USP42: variants seen among roughly 807,000 people sequenced by gnomAD.
The protein encoded by USP42 is ubiquitin carboxyl-terminal hydrolase 42.
A neutral mutation model predicts 113.0 loss-of-function variants in USP42; 23 were observed. The ratio of observed to expected loss-of-function variants is 0.20; its 90% CI spans 0.15 to 0.29. USP42 has a LOEUF of 0.29. USP42 is among the 10% of genes least tolerant of loss of function. The pLI, the probability that USP42 is intolerant of heterozygous loss-of-function variation, is 1.00. For synonymous variants in USP42, 933 were observed against 699.0 expected (o/e 1.33, Z -5.28); for missense variants, 2,174 against 1,779.8 (o/e 1.22, Z -3.99).
chr7:6,101,251 G>C (rs571804221), upstream of USP42, among the ~76,000 whole-genome samples: 8 of 151,168 alleles, frequency 5.3e-5, 1 homozygote, highest in Middle Eastern at 0.024. Flanking sequence ...AGGAGGACCT[G>C]GGTGGGGCAT....
At chr7:6,116,905 G>C (rs1281839164) in intron 3 of USP42, 1 of 515,186 alleles carries the variant, frequency 1.9e-6, no homozygotes. Context: ...AGAGGACCAA[G>C]ACAAAATTCA....
Position 6,150,120 on chromosome 7 carries a change from G to A in USP42, c.1924G>A (p.Glu642Lys), listed in dbSNP as rs751701988. The change falls in exon 13 of 18, where the codon GAA becomes AAA. Residue 642 changes from glutamate (E) to lysine (K), a missense_variant. Physicochemically the swap from Glu to Lys is moderately conservative, Grantham distance 56 (BLOSUM62 1). Transcript: ENST00000306177. ...VSSHSPGQDAEDEEATPHELQ... is the reference protein window; with the variant it reads ...VSSHSPGQDAKDEEATPHELQ... ...CTCCCACTCTCCCGGCCAAGATGCCGAAGATGAGGAGGCCACTCCGCACGA... is the reference window on the plus strand; with the variant it reads ...CTCCCACTCTCCCGGCCAAGATGCCAAAGATGAGGAGGCCACTCCGCACGA... 4.3e-6 allele frequency: 7 copies of A among 1,612,864 alleles called. No individual in the cohort carries two copies. Among genetic ancestry groups the A allele is most frequent in the East Asian group, 2.2e-5 (1 of 44,852 alleles).
At chr7:6,150,353 G>A (rs1781973753) in intron 13 of USP42, 51 bp downstream of exon 13, 1 of 1,608,980 alleles carries the variant, frequency 6.2e-7, no homozygotes, top group African/African-American at 1.3e-5. Context: ...TCCCTTGGCT[G>A]GATTTCAGGA....
chr7:6,154,220 G>A lies in USP42; in HGVS notation c.2666G>A (p.Ser889Asn), dbSNP rs1489429553. The A allele has an allele frequency of 5.0e-6, 8 of 1,606,950 alleles. No individual in the cohort carries two copies. The Middle Eastern group carries it at 5.0e-4, about 100-fold the overall frequency. ...HARDAQDPSQ[S>N]LGAPEAAERP... ...CGGGACGCTCAGGACCCATCCCAGA[G>A]CTTGGGCGCACCCGAGGCCGCAGAG... The change falls in exon 15 of 18, where the codon AGC becomes AAC. Residue 889 changes from serine to asparagine, a missense_variant. By Grantham distance (46) the Ser-to-Asn change is conservative. Transcript: ENST00000306177.
chr7:6,157,082 A>G lies in USP42; in HGVS notation c.3943+27A>G. The G allele has an allele frequency of 6.5e-7, 1 of 1,543,480 alleles. No individual in the cohort carries two copies. The highest frequency in any genetic ancestry group is 8.7e-7 in the Non-Finnish European group (1 of 1,149,752). ...TAAGAGGAGATACTTGGAATTAGGA[A>G]GATAGAAACTATTTCTTAATACATT... On this transcript the variant is annotated intron_variant, in intron 16 of 17. Transcript: ENST00000306177. The surrounding 1 kb of genome is among the most constrained non-coding windows in gnomAD (Gnocchi z 4.1).
At chr7:6,094,627 C>T in the USP42 span, among the ~76,000 whole-genome samples, 1 of 151,156 alleles carries the variant, frequency 6.6e-6, no homozygotes, top group Non-Finnish European at 1.5e-5. Flanking sequence ...CCAGTTTTTG[C>T]AGGGGTCAGA....
At chr7:6,114,329 GTAT>G (rs1252530773) in intron 2 of USP42, among the ~76,000 whole-genome samples, 1 of 151,988 alleles carries the variant, frequency 6.6e-6, no homozygotes. Flanking sequence ...TCTATTGATT[GTAT>G]TATTTATTTT....
chr7:6,125,195 A>G (rs1368572955), intron 3 of USP42, among the ~76,000 whole-genome samples: 2 of 148,598 alleles, frequency 1.3e-5, no homozygotes, highest in African/African-American at 2.5e-5. Context: ...AAAAAAAAAA[A>G]AAAAAAAAAC....
chr7:6,096,736 C>A, the USP42 span, among the ~76,000 whole-genome samples: 1 of 151,068 alleles, frequency 6.6e-6, no homozygotes, highest in South Asian at 2.1e-4. Flanking sequence ...ATGATATATA[C>A]TGTGCTTTTG....
At chr7:6,107,409 CT>C (rs774259719) in intron 1 of USP42, among the ~76,000 whole-genome samples, 2,396 of 130,732 alleles carry the variant, frequency 0.018, 14 homozygotes, top group Middle Eastern at 0.067. Context: ...TCTTCCTTTT[CT>C]TTTTTTTTTT....
rs527963094 is a variant in USP42 at position 6,161,379 on chromosome 7, T to C, written c.*861T>C. The C allele has an allele frequency of 1.3e-5, 2 of 152,726 alleles. No homozygotes were observed. Among genetic ancestry groups the C allele is most frequent in the South Asian group, 2.1e-4 (1 of 4,828 alleles). 9.5% of individuals were successfully genotyped at this position (152,726 alleles called of 1,614,324 possible). A position where few individuals can be genotyped will look rare whatever the true frequency, so the allele number is the denominator to read the frequency against. ...AATTCACTGGTCCTGCATCAGGAGA[T>C]GGAGTGGGGAAAACTGTATTTAATA... On this transcript the variant is annotated 3_prime_UTR_variant, in exon 18 of 18. Transcript: ENST00000306177.
chr7:6,153,617 G>A (rs1782199939), intron 14 of USP42, 139 bp from the exon 15 acceptor site: 1 of 1,151,294 alleles, frequency 8.7e-7, no homozygotes. Context: ...CATGTAGCCT[G>A]AAACTTAAAG....
At chr7:6,091,290 T>TC in the USP42 span, among the ~76,000 whole-genome samples, 1 of 150,666 alleles carries the variant, frequency 6.6e-6, no homozygotes, top group African/African-American at 2.5e-5. Context: ...AATGGCAAGA[T>TC]CAGAGCTCAC....
chr7:6,121,464 CT>C (rs201686654), intron 3 of USP42, among the ~76,000 whole-genome samples: 109 of 148,782 alleles, frequency 7.3e-4, no homozygotes, highest in African/African-American at 1.8e-3. Context: ...CTTATAATGC[CT>C]TTTTTTTTTC....
At chr7:6,116,280 C>T (rs1335166879) in intron 3 of USP42, among the ~76,000 whole-genome samples, 1 of 152,156 alleles carries the variant, frequency 6.6e-6, no homozygotes, top group African/African-American at 2.4e-5. Context: ...TCAGACTAGA[C>T]TTTCCCTTTA....
chr7:6,136,919 G>A (rs946809525), intron 4 of USP42, among the ~76,000 whole-genome samples: 1 of 151,362 alleles, frequency 6.6e-6, no homozygotes, highest in Non-Finnish European at 1.5e-5. Context: ...GATTACAGAT[G>A]TGCACCACTA....
In USP42 at chr7:6,119,691, T is replaced by TTG. The variant is rs1562811345; in HGVS notation, c.442+4169_442+4170insGT. Among the ~76,000 whole-genome samples the TTG allele has an allele frequency of 3.7e-3, 561 of 152,174 alleles. 2 individuals carry two copies. Among genetic ancestry groups the TTG allele is most frequent in the African/African-American group, 0.013 (532 of 41,526 alleles). ...ATACCTATTCATTTAGGCCTTGTTTTTTGTTGTTGTTGTTGTTTTGTTTTT... is the reference window on the plus strand; with the variant it reads ...ATACCTATTCATTTAGGCCTTGTTTTTGTTGTTGTTGTTGTTGTTTTGTTTTT... On this transcript the variant is annotated intron_variant, in intron 3 of 17. Coordinates refer to ENST00000306177, the MANE Select transcript of USP42 (RefSeq NM_032172.3).
At chr7:6,099,260 G>C in the USP42 span, among the ~76,000 whole-genome samples, 1 of 140,096 alleles carries the variant, frequency 7.1e-6, no homozygotes, top group African/African-American at 2.8e-5. Context: ...TGTTGCCCAG[G>C]CTGGAGTGCA....
In USP42 at chr7:6,158,973, C is replaced by T. The variant is rs767133269; in HGVS notation, c.3944-477C>T. 2.6e-5 allele frequency among the ~76,000 whole-genome samples: 4 copies of T among 152,070 alleles called. No individual in the cohort carries two copies. The highest frequency in any genetic ancestry group is 4.4e-5 in the Non-Finnish European group (3 of 68,004). On this transcript the variant is annotated intron_variant, in intron 16 of 17. Transcript: ENST00000306177. The surrounding 1 kb of genome is among the most constrained non-coding windows in gnomAD (Gnocchi z 4.2). ...TGTGGTGGCCCTGTGTTTCCGTCCC[C>T]GTCCCACTGCACCGATGACAGGGTT...
Sources: allele counts gnomAD v4.1 joint callset (sites outside exome capture counted in the v4.1 genomes callset), GRCh38; gene constraint gnomAD v4.1.1; non-coding constraint Gnocchi (gnomAD v3.1); transcripts MANE v1.5; gene names NCBI Gene and HGNC (gene_info 2026-07-23, HGNC 2026-07-21).